ATG5: variants seen among roughly 807,000 people sequenced by gnomAD.
ATG5 encodes autophagy protein 5.
In ATG5, 14 loss-of-function variants were observed where a neutral mutation model predicts 36.5. The observed-to-expected ratio is 0.38, with a 90% CI of 0.25 to 0.60. ATG5 has a LOEUF of 0.60. ATG5 is among the 20% of genes least tolerant of loss of function. The probability of loss-of-function intolerance (pLI) is 0.60; values close to 1 mark genes in which losing one functional copy is unlikely to be tolerated. For missense variants in ATG5, 195 were observed against 326.7 expected (o/e 0.60, Z 3.11); for synonymous variants, 95 against 101.5 (o/e 0.94, Z 0.38).
intron 6 of ATG5, among the ~76,000 whole-genome samples, chr6:106,224,323 T>C (rs1445413180): frequency 6.6e-6 from 1 of 152,208 alleles, no homozygotes; most frequent in African/African-American, 2.4e-5. Flanking sequence ...ATAGTTCATC[T>C]AGAAGATAAA....
At chr6:106,250,369 T>C (rs770499107) in intron 5 of ATG5, among the ~76,000 whole-genome samples, 7 of 152,150 alleles carry the variant, frequency 4.6e-5, no homozygotes, top group Non-Finnish European at 1.0e-4. Flanking sequence ...ATATTAGAAA[T>C]GGTGTGAGAG....
chr6:106,257,669 C>A (rs935422486), intron 5 of ATG5, among the ~76,000 whole-genome samples: 2 of 152,184 alleles, frequency 1.3e-5, no homozygotes, highest in African/African-American at 4.8e-5. Context: ...TTATCTAATT[C>A]TTGTGAGGAA....
intron 6 of ATG5, among the ~76,000 whole-genome samples, chr6:106,232,114 A>T (rs941418392): frequency 6.6e-6 from 1 of 152,210 alleles, no homozygotes; most frequent in Non-Finnish European, 1.5e-5. Flanking sequence ...CAGGACTGAG[A>T]GTGCCCGGGG....
In ATG5 at chr6:106,325,662, G is replaced by A. The variant is rs1275866629; in HGVS notation, c.-195C>T. On this transcript the variant is annotated 5_prime_UTR_variant, in exon 1 of 8. Coordinates refer to ENST00000369076, the MANE Select transcript of ATG5 (RefSeq NM_004849.4). ...CGGGGACGCGGTAGCAGGACTCCAG[G>A]AAGCCCGCGCAGCCGCAAAAAGCAC... 6.5e-6 allele frequency: 1 copy of A among 152,838 alleles called. No individual in the cohort carries two copies. The highest frequency in any genetic ancestry group is 6.5e-5 in the Admixed American group (1 of 15,290). The allele number at this position is 152,838 out of a possible 1,614,324, so 9.5% of individuals were successfully genotyped here.
At chr6:106,234,892 G>A (rs1456686075) in intron 6 of ATG5, among the ~76,000 whole-genome samples, 1 of 152,172 alleles carries the variant, frequency 6.6e-6, no homozygotes. Flanking sequence ...TAACTTCCTA[G>A]CATCAGTAGT....
In ATG5 at chr6:106,316,161, A is replaced by G. The variant is rs961688404; in HGVS notation, c.48T>C (p.Ile16=). ...DVLRDVWFGR[I]PTCFTLYQDE... is the part of the protein sequence containing the mutation. ...CCTGATATAGCGTGAAACAAGTTGGAATTCGTCCAAACCACACATCTCGAA... is the reference window on the plus strand; with the variant it reads ...CCTGATATAGCGTGAAACAAGTTGGGATTCGTCCAAACCACACATCTCGAA... The change falls in exon 2 of 8, where the codon ATT becomes ATC. Residue 16 remains isoleucine, a synonymous_variant. Transcript: ENST00000369076. 6.2e-6 allele frequency: 10 copies of G among 1,613,610 alleles called. No homozygotes were observed. The highest frequency in any genetic ancestry group is 7.6e-6 in the Non-Finnish European group (9 of 1,179,778).
intron 5 of ATG5, among the ~76,000 whole-genome samples, chr6:106,263,517 C>A (rs1360997719): frequency 6.6e-6 from 1 of 152,184 alleles, no homozygotes; most frequent in Non-Finnish European, 1.5e-5. Context: ...GCTAAGGGAC[C>A]GACTGCCTCA....
intron 6 of ATG5, among the ~76,000 whole-genome samples, chr6:106,228,746 A>T (rs1328859835): frequency 6.6e-6 from 1 of 152,148 alleles, no homozygotes; most frequent in Non-Finnish European, 1.5e-5. Flanking sequence ...TTAGAATTGG[A>T]GGAAAATACT....
intron 2 of ATG5, among the ~76,000 whole-genome samples, chr6:106,310,448 AAAC>A (rs1770605127): frequency 6.6e-6 from 1 of 152,174 alleles, no homozygotes; most frequent in South Asian, 2.1e-4. Flanking sequence ...ATAAAAATGA[AAAC>A]AACAATGAAA....
chr6:106,307,624 C>T (rs759282780), intron 3 of ATG5, among the ~76,000 whole-genome samples: 3 of 150,956 alleles, frequency 2.0e-5, no homozygotes, highest in Non-Finnish European at 4.4e-5. Flanking sequence ...GCAACCTCCA[C>T]CTCCCAGGTT....
chr6:106,309,589 C>T lies in ATG5; in HGVS notation c.109-1098G>A, dbSNP rs375926512. On this transcript the variant is annotated intron_variant, in intron 2 of 7. Transcript: ENST00000369076. Reference sequence around the variant, plus strand: ...ATTAGTGAAGAAAGAAAAAGGAATTCTTACTATTTAATATAAGAAAAAGCA... The same window carrying T: ...ATTAGTGAAGAAAGAAAAAGGAATTTTTACTATTTAATATAAGAAAAAGCA... Among the ~76,000 whole-genome samples the T allele has an allele frequency of 8.5e-4, 130 of 152,210 alleles. 1 individual carries two copies. In the South Asian group the frequency reaches 0.027, roughly 31 times the overall value.
intron 3 of ATG5, among the ~76,000 whole-genome samples, chr6:106,296,366 AT>A (rs1193416090): frequency 3.3e-5 from 5 of 152,210 alleles, no homozygotes; most frequent in Non-Finnish European, 7.3e-5. Context: ...TCTAGAACTT[AT>A]TTCATCATTA....
At chr6:106,216,911 A>G (rs1320018553) in intron 6 of ATG5, among the ~76,000 whole-genome samples, 1 of 151,952 alleles carries the variant, frequency 6.6e-6, no homozygotes, top group Non-Finnish European at 1.5e-5. Flanking sequence ...ATAAATAAAT[A>G]AAAGGGTGAC....
intron 6 of ATG5, among the ~76,000 whole-genome samples, chr6:106,220,152 G>A (rs1159253341): frequency 6.6e-6 from 1 of 152,164 alleles, no homozygotes; most frequent in African/African-American, 2.4e-5. Context: ...TTTCTAAGCT[G>A]AGAATTACAT....
At chr6:106,324,418 C>G (rs1474702145) in intron 1 of ATG5, among the ~76,000 whole-genome samples, 1 of 152,148 alleles carries the variant, frequency 6.6e-6, no homozygotes, top group Admixed American at 6.5e-5. Context: ...AAGGGAGGTC[C>G]TGGAACCAAT....
At chr6:106,188,888 T>C (rs965895005) in intron 7 of ATG5, among the ~76,000 whole-genome samples, 1 of 152,204 alleles carries the variant, frequency 6.6e-6, no homozygotes, top group Non-Finnish European at 1.5e-5. Context: ...TGTCCAAATA[T>C]CTCACCGGCA....
At chr6:106,276,326 C>T (rs903259949) in intron 5 of ATG5, among the ~76,000 whole-genome samples, 2 of 151,940 alleles carry the variant, frequency 1.3e-5, no homozygotes, top group Non-Finnish European at 1.5e-5. Flanking sequence ...TAGCCAGGCA[C>T]GGTGGCAGCC....
intron 7 of ATG5, among the ~76,000 whole-genome samples, chr6:106,193,942 AGT>A (rs1776073008): frequency 6.6e-6 from 1 of 152,220 alleles, no homozygotes; most frequent in African/African-American, 2.4e-5. Context: ...TAGTTGTGCA[AGT>A]GTGTGTTTCT....
intron 2 of ATG5, among the ~76,000 whole-genome samples, chr6:106,309,418 G>C (rs2114667042): frequency 6.6e-6 from 1 of 152,160 alleles, no homozygotes; most frequent in East Asian, 1.9e-4. Flanking sequence ...TTGATCCTAG[G>C]GGCTACAGAA....
Sources: allele counts gnomAD v4.1 joint callset (sites outside exome capture counted in the v4.1 genomes callset), GRCh38; gene constraint gnomAD v4.1.1; transcripts MANE v1.5; gene names NCBI Gene and HGNC (gene_info 2026-07-23, HGNC 2026-07-21).